Variants in FRMD4B observed in about 807,000 individuals in gnomAD.
FRMD4B encodes FERM domain containing 4B, also known as FERM domain-containing protein 4B.
FRMD4B carries 74 observed loss-of-function variants against 141.5 expected under a neutral mutation model. The ratio of observed to expected loss-of-function variants is 0.52; its 90% confidence interval spans 0.43 to 0.63. FRMD4B has a LOEUF of 0.63. Ranked by LOEUF, FRMD4B falls within the 30% of genes least tolerant of loss-of-function variation. The pLI is 0.00. For missense variants in FRMD4B, 1,366 were observed against 1,253.4 expected, an observed-to-expected ratio of 1.09 and a Z score of -1.36; for synonymous variants, 506 against 467.9, an observed-to-expected ratio of 1.08 and a Z score of -1.05.
rs1350055729 is a variant in FRMD4B, at chr3:69,351,209, G to A, written c.162+34619C>T. On this transcript the variant is annotated intron_variant, in intron 1 of 22. Coordinates refer to ENST00000398540, the MANE Select transcript of FRMD4B (RefSeq NM_015123.3). ...ACATATATTAATGTATAGTTTACCTGTACTCAGGCTTACTTTTCCAGTTTA... is the reference window on the plus strand; with the variant it reads ...ACATATATTAATGTATAGTTTACCTATACTCAGGCTTACTTTTCCAGTTTA... 3.9e-5 allele frequency among the ~76,000 whole-genome samples: 6 copies of A among 152,030 alleles called. No individual in the cohort carries two copies. In the East Asian group the frequency reaches 9.6e-4, roughly 24 times the overall value.
chr3:69,430,870 A>G (rs1705167372), intron 2 of FRMD4B, among the ~76,000 whole-genome samples: 1 of 152,238 alleles, frequency 6.6e-6, no homozygotes, highest in Non-Finnish European at 1.5e-5. Context: ...TTGCAGGGAT[A>G]TGGAAAAATA....
intron 17 of FRMD4B, among the ~76,000 whole-genome samples, chr3:69,193,391 C>T (rs1381485225): frequency 1.3e-5 from 2 of 152,120 alleles, no homozygotes; most frequent in Non-Finnish European, 2.9e-5. Flanking sequence ...GCCTGTAACC[C>T]CAGCTACTTG....
intron 2 of FRMD4B, among the ~76,000 whole-genome samples, chr3:69,395,411 G>A (rs1704457598): frequency 6.6e-6 from 1 of 152,090 alleles, no homozygotes; most frequent in African/African-American, 2.4e-5. Context: ...CTGAGAAACA[G>A]AAATTACCAA....
chr3:69,517,919 T>C (rs1700791184), intron 1 of FRMD4B, among the ~76,000 whole-genome samples: 1 of 152,164 alleles, frequency 6.6e-6, no homozygotes, highest in Non-Finnish European at 1.5e-5. Flanking sequence ...AAAAACAGCT[T>C]GCTAGGCTGC....
intron 18 of FRMD4B, among the ~76,000 whole-genome samples, chr3:69,189,123 G>A (rs1322529865): frequency 6.7e-6 from 1 of 150,212 alleles, no homozygotes; most frequent in Non-Finnish European, 1.5e-5. Context: ...TCGGGAGGCT[G>A]AGGCAGGAGA....
intron 5 of FRMD4B, among the ~76,000 whole-genome samples, chr3:69,277,516 C>CGTTTTTT (rs1464461463): frequency 1.7e-5 from 1 of 60,438 alleles, no homozygotes; most frequent in African/African-American, 7.2e-5. Flanking sequence ...TTTCTTTCTG[C>CGTTTTTT]TTTTTTTTTT....
Position 69,171,782 on chromosome 3 carries a change from T to C in FRMD4B, c.*79A>G. 2.1e-6 allele frequency: 3 copies of C among 1,436,096 alleles called. No homozygotes were observed. Among genetic ancestry groups the C allele is most frequent in the South Asian group, 1.2e-5 (1 of 83,434 alleles). The allele number at this position is 1,436,096 out of a possible 1,614,324, so 89.0% of individuals were successfully genotyped here. ...TGTCTTTAGGTTTCTAAAACGAACA[T>C]CCTCTCGGAAGACAAATACAATTTG... On this transcript the variant is annotated 3_prime_UTR_variant, in exon 23 of 23. Transcript: ENST00000398540.
chr3:69,282,555 T>G (rs2093649209), intron 5 of FRMD4B, among the ~76,000 whole-genome samples: 1 of 152,248 alleles, frequency 6.6e-6, no homozygotes. Flanking sequence ...TCATACATCT[T>G]AAGAAATTGC....
chr3:69,477,955 T>G (rs1359242935), intron 1 of FRMD4B, among the ~76,000 whole-genome samples: 2 of 152,126 alleles, frequency 1.3e-5, no homozygotes, highest in African/African-American at 4.8e-5. Flanking sequence ...GTCCAGGAAT[T>G]TATCCATTTC....
chr3:69,241,574 G>A (rs1448627483), intron 7 of FRMD4B, among the ~76,000 whole-genome samples: 1 of 151,832 alleles, frequency 6.6e-6, no homozygotes, highest in Non-Finnish European at 1.5e-5. Context: ...GGAAGGTAAT[G>A]ATTCTAACAA....
chr3:69,195,183 G>A (rs1309125715), intron 15 of FRMD4B, 42 bp from the exon 16 acceptor site: 1 of 1,613,388 alleles, frequency 6.2e-7, no homozygotes, highest in Non-Finnish European at 8.5e-7. Flanking sequence ...ATTGACACTG[G>A]CCAAAGTTGT....
At chr3:69,378,757 T>A (rs980219462) in intron 1 of FRMD4B, among the ~76,000 whole-genome samples, 18 of 152,120 alleles carry the variant, frequency 1.2e-4, no homozygotes, top group Middle Eastern at 3.2e-3. Flanking sequence ...AGTTCAGGCA[T>A]TATTCTCAAT....
At chr3:69,309,332 G>A (rs534824589) in intron 3 of FRMD4B, among the ~76,000 whole-genome samples, 1 of 149,706 alleles carries the variant, frequency 6.7e-6, no homozygotes, top group South Asian at 2.1e-4. Flanking sequence ...GTAGAGATGG[G>A]GTCTCACTAT....
intron 1 of FRMD4B, among the ~76,000 whole-genome samples, chr3:69,329,283 G>A (rs534583274): frequency 3.3e-5 from 5 of 152,176 alleles, no homozygotes; most frequent in Admixed American, 3.3e-4. Context: ...ACCTTCCAGG[G>A]TTGTTGTGCA....
chr3:69,264,351 C>T (rs2093547376), intron 5 of FRMD4B, among the ~76,000 whole-genome samples: 1 of 152,194 alleles, frequency 6.6e-6, no homozygotes, highest in Admixed American at 6.6e-5. Context: ...CCCTGGCACA[C>T]AGCAGGTGTT....
rs1706132289 is a variant in FRMD4B at position 69,481,988 on chromosome 3, T to A, written c.-128-49227A>T. Among the ~76,000 whole-genome samples, 15 of 152,366 alleles carry A rather than the reference T, an allele frequency of 9.8e-5. 1 individual carries two copies. In the South Asian group the frequency reaches 2.9e-3, roughly 29 times the overall value. On this transcript the variant is annotated intron_variant, in intron 1 of 5. Coordinates refer to the FRMD4B transcript ENST00000459638. Reference sequence around the variant, plus strand: ...TGGACTAGATCCTTTTTTTCTTTTTTAATGCAAGTTCCTTCTTTAAAATGA... The same window carrying A: ...TGGACTAGATCCTTTTTTTCTTTTTAAATGCAAGTTCCTTCTTTAAAATGA...
intron 1 of FRMD4B, among the ~76,000 whole-genome samples, chr3:69,504,673 G>A (rs865932378): frequency 1.3e-5 from 2 of 152,256 alleles, no homozygotes; most frequent in Middle Eastern, 6.8e-3. Context: ...ATATTCCATG[G>A]AACAGATATA....
At chr3:69,222,060 C>T (rs1575625331) in intron 8 of FRMD4B, 137 bp from the exon 9 acceptor site, 1 of 625,704 alleles carries the variant, frequency 1.6e-6, no homozygotes, top group African/African-American at 1.8e-5. Context: ...TAGAGTTTGG[C>T]TTTTGTTTCT....
intron 7 of FRMD4B, chr3:69,228,730 T>C (rs972479975): frequency 6.8e-6 from 2 of 293,678 alleles, no homozygotes; most frequent in South Asian, 3.4e-5. Flanking sequence ...TTCAGCTACT[T>C]GGGAGGCTGA....
Sources: allele counts gnomAD v4.1 joint callset (sites outside exome capture counted in the v4.1 genomes callset), GRCh38; gene constraint gnomAD v4.1.1; transcripts MANE v1.5; gene names NCBI Gene and HGNC (gene_info 2026-07-23, HGNC 2026-07-21).